Variants in ITFG1 observed in about 807,000 individuals in gnomAD.
ITFG1 encodes the protein integrin alpha FG-GAP repeat containing 1.
A neutral mutation model predicts 81.8 loss-of-function variants in ITFG1; 34 were observed. That is an observed-to-expected ratio of 0.42 (90% CI 0.32 to 0.55). ITFG1 has a LOEUF of 0.55. ITFG1 is among the 20% of genes least tolerant of loss of function. The probability of loss-of-function intolerance (pLI) is 0.17; values close to 1 mark genes in which losing one functional copy is unlikely to be tolerated. For synonymous variants in ITFG1, 285 were observed against 270.6 expected (o/e 1.05, Z -0.52); for missense variants, 672 against 755.4 (o/e 0.89, Z 1.29).
chr16:47,414,230 T>C (rs1430043933), intron 6 of ITFG1, among the ~76,000 whole-genome samples: 1 of 151,824 alleles, frequency 6.6e-6, no homozygotes, highest in East Asian at 1.9e-4. Context: ...TTACAATCCA[T>C]ATGTAATGGA....
At chr16:47,218,270 A>C (rs1193421799) in intron 14 of ITFG1, 1 of 152,226 alleles carries the variant, frequency 6.6e-6, no homozygotes, top group Non-Finnish European at 1.5e-5. Context: ...AACTGGAATT[A>C]TCACAGTTAT....
chr16:47,432,727 T>C (rs962996754), intron 5 of ITFG1, among the ~76,000 whole-genome samples: 4 of 152,252 alleles, frequency 2.6e-5, no homozygotes, highest in Non-Finnish European at 5.9e-5. Flanking sequence ...ATTTGATTAT[T>C]CTTTCACCAT....
intron 14 of ITFG1, among the ~76,000 whole-genome samples, chr16:47,176,073 C>T (rs574946866): frequency 5.3e-5 from 8 of 152,222 alleles, no homozygotes; most frequent in East Asian, 1.9e-4. Flanking sequence ...TAATGAGGGA[C>T]GCCAATTTGC....
Position 47,212,298 on chromosome 16 carries a change from T to C in ITFG1, c.1453+6570A>G, listed in dbSNP as rs138532687. Among the ~76,000 whole-genome samples the C allele has an allele frequency of 5.1e-3, 769 of 152,200 alleles. 12 individuals are homozygous for C. The East Asian group carries it at 0.071, about 14-fold the overall frequency. ...GTGCAATTGTGGCTCACTGTAACCT[T>C]GACCTCCAGGGCTCAAGTGATCCTC... On this transcript the variant is annotated intron_variant, in intron 14 of 17. Transcript: ENST00000320640.
intron 13 of ITFG1, among the ~76,000 whole-genome samples, chr16:47,229,098 A>G (rs1422371230): frequency 6.6e-6 from 1 of 152,162 alleles, no homozygotes; most frequent in Non-Finnish European, 1.5e-5. Context: ...TGTGCTGGGG[A>G]GTAAAGACTG....
At chr16:47,400,609 C>A (rs967066862) in intron 6 of ITFG1, among the ~76,000 whole-genome samples, 8 of 152,078 alleles carry the variant, frequency 5.3e-5, no homozygotes, top group African/African-American at 1.7e-4. Flanking sequence ...TAACCAAGTA[C>A]ACAGAATAGT....
intron 10 of ITFG1, among the ~76,000 whole-genome samples, chr16:47,280,169 A>T (rs1009352402): frequency 6.6e-6 from 1 of 152,194 alleles, no homozygotes; most frequent in Non-Finnish European, 1.5e-5. Context: ...GAGTAGAGAG[A>T]GAACACAAAC....
intron 5 of ITFG1, among the ~76,000 whole-genome samples, chr16:47,437,059 A>G (rs1344663056): frequency 6.6e-6 from 1 of 152,184 alleles, no homozygotes; most frequent in Non-Finnish European, 1.5e-5. Context: ...AAATATTTCT[A>G]CTTTTTTTAT....
chr16:47,376,421 A>G (rs775809480), intron 6 of ITFG1, among the ~76,000 whole-genome samples: 1 of 152,228 alleles, frequency 6.6e-6, no homozygotes, highest in Non-Finnish European at 1.5e-5. Context: ...AATTTTCAGT[A>G]ATAGAATTGT....
At chr16:47,271,279 CAAAT>C (rs1452938204) in intron 10 of ITFG1, among the ~76,000 whole-genome samples, 39 of 151,922 alleles carry the variant, frequency 2.6e-4, no homozygotes, top group Admixed American at 2.6e-3. Flanking sequence ...AGCAAAAAGA[CAAAT>C]AACCCAATTA....
intron 6 of ITFG1, among the ~76,000 whole-genome samples, chr16:47,413,964 G>A (rs933203678): frequency 6.6e-6 from 1 of 151,812 alleles, no homozygotes; most frequent in Non-Finnish European, 1.5e-5. Context: ...GGGATTACAG[G>A]CGCCTGCCCC....
chr16:47,226,420 G>T (rs940375730), intron 13 of ITFG1, among the ~76,000 whole-genome samples: 2 of 152,104 alleles, frequency 1.3e-5, no homozygotes, highest in Non-Finnish European at 2.9e-5. Context: ...TGTGCACAAC[G>T]TGCAGGTTTG....
intron 12 of ITFG1, among the ~76,000 whole-genome samples, chr16:47,244,207 T>C (rs919199037): frequency 5.3e-5 from 8 of 152,222 alleles, no homozygotes; most frequent in Non-Finnish European, 1.2e-4. Flanking sequence ...AATAAGCAGG[T>C]AAACGTAAGT....
At chr16:47,399,907 G>A (rs1968639336) in intron 6 of ITFG1, among the ~76,000 whole-genome samples, 1 of 152,182 alleles carries the variant, frequency 6.6e-6, no homozygotes, top group East Asian at 1.9e-4. Flanking sequence ...GTGATAACTG[G>A]AAGGCTTCTG....
At chr16:47,280,803 G>A (rs1966443215) in intron 10 of ITFG1, among the ~76,000 whole-genome samples, 1 of 152,032 alleles carries the variant, frequency 6.6e-6, no homozygotes, top group Non-Finnish European at 1.5e-5. Flanking sequence ...ACGACCAATG[G>A]CCAATGACTG....
intron 8 of ITFG1, among the ~76,000 whole-genome samples, chr16:47,324,440 A>G (rs1967498493): frequency 6.6e-6 from 1 of 152,194 alleles, no homozygotes; most frequent in South Asian, 2.1e-4. Context: ...AACAAGCAAA[A>G]TAGCCAGCTA....
At chr16:47,384,930 C>T (rs1968441610) in intron 6 of ITFG1, among the ~76,000 whole-genome samples, 1 of 152,106 alleles carries the variant, frequency 6.6e-6, no homozygotes, top group South Asian at 2.1e-4. Context: ...TCTCTCTACT[C>T]CTTCCTTGAG....
intron 8 of ITFG1, among the ~76,000 whole-genome samples, chr16:47,347,786 G>A (rs1470244752): frequency 1.3e-5 from 2 of 152,180 alleles, no homozygotes; most frequent in African/African-American, 4.8e-5. Context: ...TATCTGGGAG[G>A]CACCCCCAAG....
intron 10 of ITFG1, among the ~76,000 whole-genome samples, chr16:47,274,214 G>A (rs990637666): frequency 2.0e-5 from 3 of 151,956 alleles, no homozygotes; most frequent in Non-Finnish European, 1.5e-5. Flanking sequence ...CCAAGATTAC[G>A]CCATTGCACT....
Sources: gnomAD v4.1 joint callset for allele counts (sites outside exome capture counted in the v4.1 genomes callset) on GRCh38, gnomAD v4.1.1 for gene constraint, MANE v1.5 for transcripts, NCBI Gene and HGNC (gene_info 2026-07-23, HGNC 2026-07-21) for gene names.